Variants in CDH12 observed in about 807,000 individuals in gnomAD.
CDH12 encodes cadherin 12.
CDH12 carries 41 observed loss-of-function variants against 74.1 expected under a neutral mutation model. The ratio of observed to expected loss-of-function variants is 0.55; its 90% CI spans 0.43 to 0.72. CDH12 has a LOEUF of 0.72. Among genes scored for constraint, CDH12 ranks in the 30% least tolerant of loss-of-function variants. The pLI, the probability that CDH12 is intolerant of heterozygous loss-of-function variation, is 0.00. For missense variants in CDH12, 945 were observed against 977.2 expected, an observed-to-expected ratio of 0.97 and a Z score of 0.44; for synonymous variants, 399 against 355.0, an observed-to-expected ratio of 1.12 and a Z score of -1.39.
At chr5:22,454,713 G>A (rs1447832160) in intron 2 of CDH12, among the ~76,000 whole-genome samples, 1 of 152,100 alleles carries the variant, frequency 6.6e-6, no homozygotes, top group Non-Finnish European at 1.5e-5. Context: ...GTCCTTAAAT[G>A]ATCCACCTAA....
At chr5:22,519,528 A>T (rs1278083636) in intron 1 of CDH12, among the ~76,000 whole-genome samples, 1 of 149,142 alleles carries the variant, frequency 6.7e-6, no homozygotes, top group Non-Finnish European at 1.5e-5. Flanking sequence ...GGTTCATGCC[A>T]TTCTCCTGCC....
chr5:21,784,917 C>T (rs930943573), intron 10 of CDH12, among the ~76,000 whole-genome samples: 1 of 152,140 alleles, frequency 6.6e-6, no homozygotes, highest in Non-Finnish European at 1.5e-5. Context: ...TACCTTATTT[C>T]ATGGCTCTTC....
chr5:22,516,822 G>C (rs1267281710), intron 1 of CDH12, among the ~76,000 whole-genome samples: 1 of 151,154 alleles, frequency 6.6e-6, no homozygotes, highest in Non-Finnish European at 1.5e-5. Context: ...TAAAATTGTG[G>C]CATATTAATT....
intron 6 of CDH12, among the ~76,000 whole-genome samples, chr5:21,878,616 C>A (rs1752063965): frequency 6.7e-6 from 1 of 149,136 alleles, no homozygotes; most frequent in African/African-American, 2.5e-5. Context: ...GGTGGCATGG[C>A]CTGTGGTCCC....
chr5:21,987,213 C>T (rs573666369), intron 5 of CDH12, among the ~76,000 whole-genome samples: 11 of 151,496 alleles, frequency 7.3e-5, no homozygotes, highest in Middle Eastern at 3.2e-3. Context: ...AAATCAATTA[C>T]GATAAGATAA....
At chr5:22,499,759 T>G (rs556871738) in intron 2 of CDH12, among the ~76,000 whole-genome samples, 1 of 152,252 alleles carries the variant, frequency 6.6e-6, no homozygotes, top group Non-Finnish European at 1.5e-5. Flanking sequence ...ATTCTGGCTG[T>G]TTTCAAAGAT....
chr5:22,213,175 T>G (rs1350740833), intron 3 of CDH12, among the ~76,000 whole-genome samples: 3 of 152,060 alleles, frequency 2.0e-5, no homozygotes, highest in Non-Finnish European at 2.9e-5. Context: ...TACTTCAACC[T>G]TTGTCGAACT....
chr5:21,856,750 C>T (rs571117468), intron 6 of CDH12, among the ~76,000 whole-genome samples: 62 of 151,812 alleles, frequency 4.1e-4, no homozygotes, highest in African/African-American at 1.4e-3. Context: ...TTCATTAATG[C>T]ATCGAAGTTG....
chr5:22,489,217 C>A (rs1438874386), intron 2 of CDH12, among the ~76,000 whole-genome samples: 1 of 151,416 alleles, frequency 6.6e-6, no homozygotes. Flanking sequence ...ACCACCACAC[C>A]TGGCTAATTT....
At chr5:22,580,367 C>T in intron 1 of CDH12, 1 of 469,498 alleles carries the variant, frequency 2.1e-6, no homozygotes, top group East Asian at 6.3e-5. Context: ...TGAAAATGCA[C>T]ACCAAGTGCA....
chr5:22,056,959 T>G (rs1740785620), intron 5 of CDH12, among the ~76,000 whole-genome samples: 1 of 152,152 alleles, frequency 6.6e-6, no homozygotes, highest in South Asian at 2.1e-4. Flanking sequence ...CCCTAAGAAC[T>G]TTGAATCTTT....
intron 1 of CDH12, among the ~76,000 whole-genome samples, chr5:22,616,173 G>A (rs1002207301): frequency 6.6e-6 from 1 of 152,040 alleles, no homozygotes; most frequent in Non-Finnish European, 1.5e-5. Flanking sequence ...CAACTGTACT[G>A]TTCATTTCAA....
chr5:22,759,373 G>GT (rs564838323), intron 1 of CDH12, among the ~76,000 whole-genome samples: 6 of 152,134 alleles, frequency 3.9e-5, no homozygotes, highest in East Asian at 3.9e-4. Context: ...ATTTTAGGAG[G>GT]TTTTTTTCCT....
intron 6 of CDH12, chr5:21,883,927 G>A (rs1752495422): frequency 6.8e-6 from 11 of 1,608,150 alleles, no homozygotes; most frequent in South Asian, 6.6e-5. Context: ...GCCCTCCTTC[G>A]ATGCATTCCA....
chr5:22,652,518 T>C (rs932207209), intron 1 of CDH12, among the ~76,000 whole-genome samples: 2 of 152,194 alleles, frequency 1.3e-5, no homozygotes, highest in Admixed American at 6.5e-5. Flanking sequence ...ACATTAAATG[T>C]CCTTTAGTTA....
chr5:22,748,095 A>G (rs1442784338), intron 1 of CDH12, among the ~76,000 whole-genome samples: 1 of 152,210 alleles, frequency 6.6e-6, no homozygotes, highest in East Asian at 1.9e-4. Flanking sequence ...TCAAGAGAAT[A>G]AACTATTTGA....
chr5:22,496,969 C>T (rs1747127662), intron 2 of CDH12, among the ~76,000 whole-genome samples: 2 of 152,112 alleles, frequency 1.3e-5, no homozygotes, highest in Non-Finnish European at 2.9e-5. Flanking sequence ...GGGTCTGACT[C>T]CCAATTCTGC....
intron 1 of CDH12, among the ~76,000 whole-genome samples, chr5:22,642,015 T>C (rs1739177565): frequency 6.6e-6 from 1 of 152,210 alleles, no homozygotes; most frequent in South Asian, 2.1e-4. Flanking sequence ...TGCAATGAGA[T>C]CTCAAATATT....
At chr5:22,027,536 G>A (rs1382950524) in intron 5 of CDH12, among the ~76,000 whole-genome samples, 2 of 152,182 alleles carry the variant, frequency 1.3e-5, no homozygotes, top group African/African-American at 4.8e-5. Flanking sequence ...TCCTGGTTTA[G>A]TCTTGGGAGG....
Sources: allele counts gnomAD v4.1 joint callset (sites outside exome capture counted in the v4.1 genomes callset), GRCh38; gene constraint gnomAD v4.1.1; transcripts MANE v1.5; gene names NCBI Gene and HGNC (gene_info 2026-07-23, HGNC 2026-07-21).